Variants in USP15 observed in about 807,000 individuals in gnomAD.
USP15 encodes ubiquitin carboxyl-terminal hydrolase 15.
A neutral mutation model predicts 127.1 loss-of-function variants in USP15; 18 were observed. That is an observed-to-expected ratio of 0.14 (90% CI 0.10 to 0.21). The LOEUF is 0.21. Among genes scored for constraint, USP15 ranks in the 10% least tolerant of loss-of-function variants. The pLI, the probability that USP15 is intolerant of heterozygous loss-of-function variation, is 1.00. For missense variants in USP15, 805 were observed against 1,159.9 expected (o/e 0.69, Z 4.44); for synonymous variants, 364 against 393.7 (o/e 0.92, Z 0.89).
At chr12:62,337,878 T>C (rs1192667411) in intron 6 of USP15, among the ~76,000 whole-genome samples, 1 of 152,194 alleles carries the variant, frequency 6.6e-6, no homozygotes, top group Non-Finnish European at 1.5e-5. Context: ...ATCCAGTCTA[T>C]CAGGATGGAG....
intron 14 of USP15, among the ~76,000 whole-genome samples, chr12:62,390,362 A>G (rs956882733): frequency 6.6e-6 from 1 of 152,160 alleles, no homozygotes; most frequent in Non-Finnish European, 1.5e-5. Context: ...ATTTCTTTAT[A>G]TACATTACCA....
chr12:62,266,754 T>C (rs911226568), intron 1 of USP15, among the ~76,000 whole-genome samples: 2 of 152,150 alleles, frequency 1.3e-5, no homozygotes, highest in South Asian at 2.1e-4. Context: ...ATATGACTTA[T>C]AGATGAGGAA....
intron 3 of USP15, among the ~76,000 whole-genome samples, chr12:62,307,497 A>T (rs1337876111): frequency 6.6e-6 from 1 of 152,058 alleles, no homozygotes; most frequent in Non-Finnish European, 1.5e-5. Context: ...TTTTGGGTGT[A>T]TGGGGGGCAG....
intron 1 of USP15, among the ~76,000 whole-genome samples, chr12:62,269,932 C>T (rs2063307348): frequency 6.6e-6 from 1 of 152,048 alleles, no homozygotes; most frequent in African/African-American, 2.4e-5. Context: ...TGCTAGGTCC[C>T]TGTTTAACTT....
chr12:62,389,231 TGAG>T (rs10607679), intron 11 of USP15, among the ~76,000 whole-genome samples, 197 bp from the exon 12 acceptor site: 3,350 of 152,214 alleles, frequency 0.022, 126 homozygotes, highest in African/African-American at 0.075. Flanking sequence ...GTCTTTGAAT[TGAG>T]GAGCCAAGGA....
chr12:62,349,232 C>A lies in USP15; in HGVS notation c.695C>A (p.Ala232Glu). The change falls in exon 7 of 22, where the codon GCA (alanine) becomes GAA (glutamate). Residue 232 changes from alanine to glutamate, a missense_variant. Around this residue, in one of 11 missense-constraint regions of USP15, gnomAD observed 84 missense variants for 107.7 expected, o/e 0.78. Coordinates refer to ENST00000280377, the MANE Select transcript of USP15 (RefSeq NM_001252078.2). ...RGPSTPKSPG[A>E]SNFSTLPKIS... The stretch of plus-strand genomic sequence containing the variant: ...TCATATTTTTAAAGGTCCCCAGGTG[C>A]ATCCAATTTTTCAACTTTACCAAAG... 6.7e-7 allele frequency: 1 copy of A among 1,498,842 alleles called. No homozygotes were observed. Among genetic ancestry groups the A allele is most frequent in the Non-Finnish European group, 8.9e-7 (1 of 1,126,858 alleles). 92.8% of individuals were successfully genotyped at this position (1,498,842 alleles called of 1,614,324 possible).
In USP15 at chr12:62,355,235, A is replaced by G; in HGVS notation, c.771-96A>G. On this transcript the variant is annotated intron_variant, in intron 7 of 21. Transcript: ENST00000280377. ...AGTACTTTATAAAAGAAATGTAATGATCAACCACATATCTCATAAATAGGC... is the reference window on the plus strand; with the variant it reads ...AGTACTTTATAAAAGAAATGTAATGGTCAACCACATATCTCATAAATAGGC... The G allele has an allele frequency of 4.5e-6, 5 of 1,101,882 alleles. No individual in the cohort carries two copies. In the South Asian group the frequency reaches 6.4e-5, roughly 14 times the overall value. The allele number at this position is 1,101,882 out of a possible 1,614,324, so 68.3% of individuals were successfully genotyped here.
At position 62,346,253 on chromosome 12, in the gene USP15, T is replaced by C. The variant is rs186757514; in HGVS notation, c.684-2968T>C. ...ATATAAGAGTTAAGATTTAATAAAA[T>C]CAATAATTTTTTATTTTTTTCAATG... On this transcript the variant is annotated intron_variant, in intron 6 of 21. Transcript: ENST00000280377. 1.8e-4 allele frequency among the ~76,000 whole-genome samples: 28 copies of C among 152,320 alleles called. No homozygotes were observed. In the East Asian group the frequency reaches 4.8e-3, roughly 26 times the overall value.
intron 1 of USP15, 37 bp downstream of exon 1, chr12:62,260,540 AG>A: frequency 6.5e-7 from 1 of 1,536,748 alleles, no homozygotes; most frequent in East Asian, 2.5e-5. Context: ...CGGTTGCCCG[AG>A]GATAGTGGAG....
intron 1 of USP15, among the ~76,000 whole-genome samples, chr12:62,266,145 A>G (rs1285182235): frequency 1.3e-5 from 2 of 152,176 alleles, no homozygotes; most frequent in South Asian, 2.1e-4. Context: ...GTCATTTACT[A>G]TTGAGCTTTT....
intron 8 of USP15, among the ~76,000 whole-genome samples, chr12:62,375,609 A>T (rs2066803284): frequency 6.6e-6 from 1 of 152,192 alleles, no homozygotes; most frequent in African/African-American, 2.4e-5. Flanking sequence ...AGAGGAAGAT[A>T]CGACATTTAG....
chr12:62,330,585 CAAAAAAA>C (rs559515896), intron 6 of USP15, among the ~76,000 whole-genome samples: 1 of 95,448 alleles, frequency 1.0e-5, no homozygotes, highest in Non-Finnish European at 2.2e-5. Flanking sequence ...GACTCCATCT[CAAAAAAA>C]AAAAAAAAAA....
At chr12:62,328,330 G>A (rs1476577528) in intron 6 of USP15, 2 of 452,864 alleles carry the variant, frequency 4.4e-6, no homozygotes, top group East Asian at 7.0e-5. Flanking sequence ...AACTATAACT[G>A]CTGATGTAGT....
rs1427106498 is a variant in USP15 at position 62,314,804 on chromosome 12, T to C, written c.363T>C (p.Gly121=). ...CATTATTTTAGGTGGTTGAACAGGG[T>C]ATGTTTGTAAAGCACTGCAAAGTAG... ...EPIARKVVEQ[G]MFVKHCKVEV... The change falls in exon 4 of 22, where the codon GGT becomes GGC. Residue 121 remains glycine (G), a synonymous_variant. Transcript: ENST00000280377. The C allele has an allele frequency of 1.9e-6, 3 of 1,583,826 alleles. No homozygotes were observed. Among genetic ancestry groups the C allele is most frequent in the African/African-American group, 1.4e-5 (1 of 73,480 alleles).
chr12:62,310,283 TG>T (rs1592557153), intron 3 of USP15, among the ~76,000 whole-genome samples: 1 of 152,062 alleles, frequency 6.6e-6, no homozygotes, highest in East Asian at 1.9e-4. Flanking sequence ...AATACATTTT[TG>T]TTAAGTATAG....
intron 19 of USP15, among the ~76,000 whole-genome samples, chr12:62,394,237 T>G (rs1050090693): frequency 6.6e-6 from 1 of 152,208 alleles, no homozygotes; most frequent in Non-Finnish European, 1.5e-5. Context: ...TTTGTACAAG[T>G]ACTTGGTACT....
chr12:62,279,015 A>G (rs1187143015), intron 1 of USP15: 1 of 152,162 alleles, frequency 6.6e-6, no homozygotes, highest in Non-Finnish European at 1.5e-5. Flanking sequence ...CATTGTAGTA[A>G]GAATACTTAA....
intron 1 of USP15, among the ~76,000 whole-genome samples, chr12:62,275,345 C>A (rs1229048961): frequency 6.6e-6 from 1 of 150,528 alleles, no homozygotes; most frequent in Non-Finnish European, 1.5e-5. Context: ...CTATGTAATA[C>A]ATTTAAGCAA....
intron 1 of USP15, among the ~76,000 whole-genome samples, chr12:62,267,425 A>G (rs2063220976): frequency 6.6e-6 from 1 of 152,168 alleles, no homozygotes; most frequent in Non-Finnish European, 1.5e-5. Flanking sequence ...TCCAATTATA[A>G]TATAAAACAG....
Sources: gnomAD v4.1 joint callset for allele counts (sites outside exome capture counted in the v4.1 genomes callset) on GRCh38, gnomAD v4.1.1 for gene constraint, gnomAD v4.1.1 regional missense constraint, MANE v1.5 for transcripts, NCBI Gene and HGNC (gene_info 2026-07-23, HGNC 2026-07-21) for gene names.